CACNA2D3: variants seen among roughly 807,000 people sequenced by gnomAD.
The protein encoded by CACNA2D3 is voltage-dependent calcium channel subunit alpha-2/delta-3.
Under a neutral mutation model 160.6 loss-of-function variants are expected in CACNA2D3, and 60 were observed. That is an observed-to-expected ratio of 0.37 (90% confidence interval 0.30 to 0.46). The LOEUF is 0.46. CACNA2D3 is among the 20% of genes least tolerant of loss of function. The pLI is 1.00. For synonymous variants in CACNA2D3, 558 were observed against 492.9 expected (o/e 1.13, Z -1.75); for missense variants, 1,205 against 1,365.0 (o/e 0.88, Z 1.85).
At chr3:54,930,779 T>G (rs1701168105) in intron 27 of CACNA2D3, among the ~76,000 whole-genome samples, 1 of 152,182 alleles carries the variant, frequency 6.6e-6, no homozygotes, top group African/African-American at 2.4e-5. Context: ...GCCTAGCACA[T>G]ATCTGGTAGA....
At chr3:54,834,504 G>A (rs753734763) in intron 14 of CACNA2D3, among the ~76,000 whole-genome samples, 6 of 152,148 alleles carry the variant, frequency 3.9e-5, no homozygotes, top group Non-Finnish European at 8.8e-5. Flanking sequence ...TTAGAACCAT[G>A]TTTCCAAAAA....
chr3:54,137,060 A>AT (rs898834419), intron 2 of CACNA2D3, among the ~76,000 whole-genome samples: 1 of 151,816 alleles, frequency 6.6e-6, no homozygotes, highest in African/African-American at 2.4e-5. Flanking sequence ...TCCCTCTGTG[A>AT]TTTTTTTACA....
chr3:54,629,064 G>A (rs139505049), intron 10 of CACNA2D3, among the ~76,000 whole-genome samples: 136 of 152,124 alleles, frequency 8.9e-4, no homozygotes, highest in African/African-American at 3.0e-3. Flanking sequence ...TTGTCAAACT[G>A]TTGGGGAGCT....
chr3:54,589,475 G>A (rs1220884463), intron 9 of CACNA2D3, among the ~76,000 whole-genome samples: 3 of 151,798 alleles, frequency 2.0e-5, no homozygotes, highest in Admixed American at 6.6e-5. Flanking sequence ...AAGATGTAGG[G>A]CTAGGCAAAG....
At chr3:54,808,517 T>G (rs1165040692) in intron 13 of CACNA2D3, among the ~76,000 whole-genome samples, 2 of 152,016 alleles carry the variant, frequency 1.3e-5, no homozygotes, top group African/African-American at 2.4e-5. Flanking sequence ...TAGACTAGAT[T>G]AGGTCACACG....
At chr3:54,320,713 C>G (rs1434926681) in intron 3 of CACNA2D3, among the ~76,000 whole-genome samples, 155 bp downstream of exon 3, 1 of 152,218 alleles carries the variant, frequency 6.6e-6, no homozygotes, top group Admixed American at 6.5e-5. Flanking sequence ...CCAGGAAAAG[C>G]AGTCACTAGG....
In CACNA2D3 at chr3:54,958,489, G is replaced by C. The variant is rs1342896582; in HGVS notation, c.2450-9961G>C. 2.6e-5 allele frequency among the ~76,000 whole-genome samples: 4 copies of C among 152,226 alleles called. No homozygotes were observed. The East Asian group carries it at 5.8e-4, about 22-fold the overall frequency. On this transcript the variant is annotated intron_variant, in intron 27 of 37. Transcript: ENST00000474759. ...GATAGTCTTAGAAGTGTCTCAGAAA[G>C]AGGAAGCCAGGGTGGATATTTACAG...
At chr3:54,147,155 A>G (rs1304669516) in intron 2 of CACNA2D3, among the ~76,000 whole-genome samples, 1 of 152,210 alleles carries the variant, frequency 6.6e-6, no homozygotes, top group East Asian at 1.9e-4. Flanking sequence ...ACAGCTGGGA[A>G]TTCCCCCTGC....
At chr3:54,652,118 A>G (rs907784537) in intron 11 of CACNA2D3, among the ~76,000 whole-genome samples, 1 of 152,170 alleles carries the variant, frequency 6.6e-6, no homozygotes, top group African/African-American at 2.4e-5. Flanking sequence ...GCCTCACAAA[A>G]TAAATGCTCC....
At position 54,323,559 on chromosome 3, in the gene CACNA2D3, C is replaced by T. The variant is rs897173840; in HGVS notation, c.321+3001C>T. Among the ~76,000 whole-genome samples the T allele has an allele frequency of 2.0e-4, 30 of 151,966 alleles. 1 individual carries two copies. The highest frequency in any genetic ancestry group is 8.3e-4 in the South Asian group (4 of 4,800). ...TCAGCTCACTGCAAGCTCCGCCTCC[C>T]GGGTTCACGCCTTTCTCCTGCCTCA... is the stretch of plus-strand genomic sequence containing the variant. On this transcript the variant is annotated intron_variant, in intron 3 of 37. Transcript: ENST00000474759.
chr3:54,821,721 C>CCT (rs1559595021), intron 14 of CACNA2D3, among the ~76,000 whole-genome samples: 6 of 133,754 alleles, frequency 4.5e-5, no homozygotes, highest in East Asian at 2.2e-4. Context: ...TCTTTCCTCT[C>CCT]TCTCTCTCTC....
chr3:54,432,205 T>A (rs7433338), intron 4 of CACNA2D3, among the ~76,000 whole-genome samples: 1 of 152,204 alleles, frequency 6.6e-6, no homozygotes, highest in East Asian at 1.9e-4. Flanking sequence ...CTGTAAATCA[T>A]CAGAATAATA....
intron 11 of CACNA2D3, among the ~76,000 whole-genome samples, chr3:54,713,083 G>T (rs1700983108): frequency 6.6e-6 from 1 of 152,178 alleles, no homozygotes; most frequent in African/African-American, 2.4e-5. Context: ...TTAGAACAGT[G>T]CCAGTCACAT....
At chr3:54,763,816 T>TATATGTATATATATGTACATATATATAC (rs1702153677) in intron 12 of CACNA2D3, among the ~76,000 whole-genome samples, 13 of 96,030 alleles carry the variant, frequency 1.4e-4, no homozygotes, top group African/African-American at 5.2e-4. Flanking sequence ...TATATACATA[T>TATATGTATATATATGTACATATATATAC]ATATATACGT....
chr3:54,864,043 A>C (rs1699349859), intron 17 of CACNA2D3, among the ~76,000 whole-genome samples: 1 of 152,100 alleles, frequency 6.6e-6, no homozygotes, highest in Non-Finnish European at 1.5e-5. Flanking sequence ...CATAATGTCT[A>C]TGTCGTCCCA....
At chr3:54,417,562 A>G (rs1235797818) in intron 4 of CACNA2D3, among the ~76,000 whole-genome samples, 1 of 152,174 alleles carries the variant, frequency 6.6e-6, no homozygotes, top group Non-Finnish European at 1.5e-5. Context: ...TAGGAAATCT[A>G]GCAACTTCTA....
intron 16 of CACNA2D3, among the ~76,000 whole-genome samples, chr3:54,845,907 G>A (rs1698920692): frequency 6.6e-6 from 1 of 152,190 alleles, no homozygotes. Context: ...AAGAATTATG[G>A]AAAATGACGG....
chr3:54,268,582 A>G (rs112169079), intron 2 of CACNA2D3, among the ~76,000 whole-genome samples: 18 of 151,890 alleles, frequency 1.2e-4, no homozygotes, highest in African/African-American at 4.1e-4. Context: ...GCTAATTTCT[A>G]TATTTTTAGT....
chr3:54,493,634 A>G (rs1037667291), intron 4 of CACNA2D3, among the ~76,000 whole-genome samples: 5 of 151,830 alleles, frequency 3.3e-5, no homozygotes, highest in Non-Finnish European at 5.9e-5. Context: ...TAATCCTCCA[A>G]TTTTCAAGGC....
Sources: allele counts gnomAD v4.1 joint callset (sites outside exome capture counted in the v4.1 genomes callset), GRCh38; gene constraint gnomAD v4.1.1; transcripts MANE v1.5; gene names NCBI Gene and HGNC (gene_info 2026-07-23, HGNC 2026-07-21).